The following UNC5B variants were observed in gnomAD, a reference collection of about 807,000 sequenced individuals.
The protein encoded by UNC5B is unc-5 netrin receptor B.
UNC5B carries 56 observed loss-of-function variants against 103.7 expected under a neutral mutation model. That is an observed-to-expected ratio of 0.54 (90% CI 0.44 to 0.67). The LOEUF is 0.67. UNC5B is among the 30% of genes least tolerant of loss of function. The pLI is 0.00. For synonymous variants in UNC5B, 577 were observed against 542.0 expected, an observed-to-expected ratio of 1.06 and a Z score of -0.90; for missense variants, 1,194 against 1,284.5, an observed-to-expected ratio of 0.93 and a Z score of 1.08.
intron 2 of UNC5B, among the ~76,000 whole-genome samples, chr10:71,283,673 G>C (rs1185663895): frequency 5.9e-5 from 9 of 152,218 alleles, no homozygotes; most frequent in Admixed American, 5.9e-4. Flanking sequence ...AGGAACTTCA[G>C]ATGAATGTCC....
At chr10:71,221,940 G>C (rs887135982) in intron 1 of UNC5B, among the ~76,000 whole-genome samples, 23 of 152,198 alleles carry the variant, frequency 1.5e-4, no homozygotes, top group African/African-American at 5.3e-4. Context: ...ATGAGATCAT[G>C]CTTAAAAGTG....
chr10:71,293,371 C>A, intron 11 of UNC5B, 34 bp from the exon 12 acceptor site: 1 of 1,582,384 alleles, frequency 6.3e-7, no homozygotes, highest in Non-Finnish European at 8.6e-7. Context: ...CCGAGCTCTT[C>A]ACTGCCTCTC....
At chr10:71,286,931 G>C in intron 5 of UNC5B, 62 bp downstream of exon 5, 1 of 1,579,928 alleles carries the variant, frequency 6.3e-7, no homozygotes, top group Non-Finnish European at 8.6e-7. Flanking sequence ...AGAGCCTGGG[G>C]GTAGGGGGGA....
intron 2 of UNC5B, among the ~76,000 whole-genome samples, chr10:71,281,791 G>A (rs1411512261): frequency 6.6e-6 from 1 of 152,248 alleles, no homozygotes; most frequent in Admixed American, 6.5e-5. Context: ...GTCCTGGTGA[G>A]GGTAGAGCCA....
At chr10:71,271,766 C>G (rs936560405) in intron 1 of UNC5B, among the ~76,000 whole-genome samples, 1 of 152,276 alleles carries the variant, frequency 6.6e-6, no homozygotes, top group Non-Finnish European at 1.5e-5. Context: ...TGGACACCCC[C>G]TTCAGGATGC....
intron 1 of UNC5B, among the ~76,000 whole-genome samples, chr10:71,269,571 TCCTGCTGC>T (rs1215657574): frequency 6.6e-6 from 1 of 151,958 alleles, no homozygotes; most frequent in East Asian, 1.9e-4. Flanking sequence ...TCCTACCCGC[TCCTGCTGC>T]CCAAACCCCC....
At chr10:71,225,064 C>T (rs934310460) in intron 1 of UNC5B, among the ~76,000 whole-genome samples, 2 of 152,190 alleles carry the variant, frequency 1.3e-5, no homozygotes, top group Non-Finnish European at 2.9e-5. Flanking sequence ...CCTTGTTAGA[C>T]ACATTTGGAA....
chr10:71,258,804 G>A (rs1341241536), intron 1 of UNC5B, among the ~76,000 whole-genome samples: 1 of 152,258 alleles, frequency 6.6e-6, no homozygotes, highest in African/African-American at 2.4e-5. Flanking sequence ...TTCCCGAGGA[G>A]TTGATTCCCA....
At chr10:71,283,523 C>T (rs1374803854) in intron 2 of UNC5B, among the ~76,000 whole-genome samples, 1 of 152,206 alleles carries the variant, frequency 6.6e-6, no homozygotes, top group Non-Finnish European at 1.5e-5. Flanking sequence ...ACCGGCTGTG[C>T]GTACCTTAAC....
intron 8 of UNC5B, among the ~76,000 whole-genome samples, chr10:71,289,465 T>A (rs10823718): frequency 0.77 from 117,756 of 152,142 alleles, 46,645 homozygotes; most frequent in Middle Eastern, 0.86. Context: ...ATTGTCTCTG[T>A]TGCCCGCTGC....
At position 71,293,728 on chromosome 10, in the gene UNC5B, T is replaced by C. The variant is rs767558367; in HGVS notation, c.1970T>C (p.Leu657Pro). The change falls in exon 13 of 17, where the codon CTG becomes CCG. Residue 657 changes from leucine (L) to proline (P), a missense_variant. By Grantham distance (98) the Leu-to-Pro change is moderately conservative. Transcript: ENST00000335350. ...EEVVTLDEET[L>P]NTPCYCQLEP... ...GTGGTGACCCTGGATGAGGAGACCC[T>C]GAACACACCCTGCTACTGCCAGCTG... 98 of 1,590,712 alleles carry C rather than the reference T, an allele frequency of 6.2e-5. No homozygotes were observed. Among genetic ancestry groups the C allele is most frequent in the Non-Finnish European group, 7.7e-5 (90 of 1,168,322 alleles).
intron 1 of UNC5B, among the ~76,000 whole-genome samples, chr10:71,261,766 TG>T (rs1844420744): frequency 2.0e-5 from 3 of 152,312 alleles, no homozygotes; most frequent in South Asian, 2.1e-4. Flanking sequence ...GCTGTGTGAC[TG>T]GGGGCAAGTT....
At chr10:71,220,196 CCTT>C (rs1204908806) in intron 1 of UNC5B, among the ~76,000 whole-genome samples, 2 of 152,194 alleles carry the variant, frequency 1.3e-5, no homozygotes, top group Non-Finnish European at 2.9e-5. Flanking sequence ...AGGCAAAAGG[CCTT>C]CTTCTTGGAT....
intron 1 of UNC5B, among the ~76,000 whole-genome samples, chr10:71,255,273 T>G (rs762447660): frequency 2.6e-5 from 4 of 152,170 alleles, no homozygotes; most frequent in African/African-American, 4.8e-5. Flanking sequence ...TTGGGAGAGA[T>G]TCCCAAAAGT....
intron 1 of UNC5B, among the ~76,000 whole-genome samples, chr10:71,245,328 C>G (rs1220084505): frequency 2.0e-5 from 3 of 152,188 alleles, no homozygotes; most frequent in African/African-American, 7.2e-5. Flanking sequence ...TGACAAGATC[C>G]CAAGGTATTC....
rs1176658915 is a variant in UNC5B at position 71,302,372 on chromosome 10, T to C, written c.*3095T>C. On this transcript the variant is annotated 3_prime_UTR_variant, in exon 17 of 17. Transcript: ENST00000335350. ...GTGTCCCCACCTGAGCGAGCGTGTG[T>C]GTGTGCTCCTCTGCGTCCCAGGTTT... 1 of 152,260 alleles carries C rather than the reference T, an allele frequency of 6.6e-6. No individual in the cohort carries two copies. Among genetic ancestry groups the C allele is most frequent in the Non-Finnish European group, 1.5e-5 (1 of 68,098 alleles). The allele number at this position is 152,260 out of a possible 1,614,324, so 9.4% of individuals were successfully genotyped here. A position where few individuals can be genotyped will look rare whatever the true frequency, so the allele number is the denominator to read the frequency against.
intron 1 of UNC5B, among the ~76,000 whole-genome samples, chr10:71,278,812 A>G (rs536298782): frequency 6.6e-6 from 1 of 152,376 alleles, no homozygotes; most frequent in Non-Finnish European, 1.5e-5. Flanking sequence ...TCCTCTGGGC[A>G]GTTAGCAGAA....
intron 1 of UNC5B, among the ~76,000 whole-genome samples, chr10:71,243,633 G>C (rs1843957957): frequency 6.6e-6 from 1 of 152,158 alleles, no homozygotes; most frequent in South Asian, 2.1e-4. Context: ...CTGTTCCCCG[G>C]GGGGCTTGGG....
intron 1 of UNC5B, among the ~76,000 whole-genome samples, chr10:71,261,707 G>A (rs910235267): frequency 6.6e-6 from 1 of 152,228 alleles, no homozygotes; most frequent in Non-Finnish European, 1.5e-5. Context: ...ACACTCTAGA[G>A]TCTTGCCCTG....
Sources: gnomAD v4.1 joint callset for allele counts (sites outside exome capture counted in the v4.1 genomes callset) on GRCh38, gnomAD v4.1.1 for gene constraint, MANE v1.5 for transcripts, NCBI Gene and HGNC (gene_info 2026-07-23, HGNC 2026-07-21) for gene names.